PRDM16: variants seen among roughly 807,000 people sequenced by gnomAD.
PRDM16 encodes PR/SET domain 16.
In PRDM16, 23 loss-of-function variants were observed where a neutral mutation model predicts 110.6. That is an observed-to-expected ratio of 0.21 (90% CI 0.15 to 0.29). PRDM16 has a LOEUF of 0.29. Ranked by LOEUF, PRDM16 falls within the 10% of genes least tolerant of loss-of-function variation. The pLI, the probability that PRDM16 is intolerant of heterozygous loss-of-function variation, is 1.00. For synonymous variants in PRDM16, 799 were observed against 781.8 expected (o/e 1.02, Z -0.37); for missense variants, 1,615 against 1,794.3 (o/e 0.90, Z 1.81).
chr1:3,277,747 GCACACACATGCA>G (rs1156602551), intron 3 of PRDM16, among the ~76,000 whole-genome samples: 4 of 126,488 alleles, frequency 3.2e-5, no homozygotes, highest in Non-Finnish European at 3.7e-5. Context: ...ACACGCACAC[GCACACACATGCA>G]CACACGCGCA....
chr1:3,285,834 G>C (rs1640832594), intron 3 of PRDM16, among the ~76,000 whole-genome samples: 1 of 152,248 alleles, frequency 6.6e-6, no homozygotes, highest in African/African-American at 2.4e-5. Context: ...TCTGGCAAGA[G>C]CTTCTCAGAC....
chr1:3,187,167 C>T (rs1422696293), intron 2 of PRDM16, among the ~76,000 whole-genome samples: 2 of 152,176 alleles, frequency 1.3e-5, no homozygotes, highest in African/African-American at 4.8e-5. Flanking sequence ...GGACGCTAGG[C>T]CCCGGTGTTG....
In PRDM16 at chr1:3,437,712, G is replaced by T. The variant is rs1454271707; in HGVS notation, c.*3901G>T. 4.5e-6 allele frequency: 1 copy of T among 223,706 alleles called. No individual in the cohort carries two copies. Among genetic ancestry groups the T allele is most frequent in the Non-Finnish European group, 8.9e-6 (1 of 112,188 alleles). The allele number at this position is 223,706 out of a possible 1,614,324, so 13.9% of individuals were successfully genotyped here. A position where few individuals can be genotyped will look rare whatever the true frequency, so the allele number is the denominator to read the frequency against. On this transcript the variant is annotated 3_prime_UTR_variant, in exon 17 of 17. Coordinates refer to ENST00000270722, the MANE Select transcript of PRDM16 (RefSeq NM_022114.4). The stretch of plus-strand genomic sequence containing the variant: ...TCCATTCCATTTTTGTGTTTGTTTT[G>T]TTCTTTTCTGTCACTGATCCGTATT...
chr1:3,130,752 T>C (rs1643316471), intron 1 of PRDM16, among the ~76,000 whole-genome samples: 1 of 150,286 alleles, frequency 6.7e-6, no homozygotes, highest in Admixed American at 6.6e-5. Flanking sequence ...TTTTCCCCCG[T>C]GAGCTGCATG....
intron 3 of PRDM16, among the ~76,000 whole-genome samples, chr1:3,261,389 T>A (rs1640161577): frequency 6.6e-6 from 1 of 152,170 alleles, no homozygotes; most frequent in Admixed American, 6.5e-5. Flanking sequence ...TTGGTTTCCA[T>A]GCAGCCTCAC....
At chr1:3,119,015 A>T (rs1643031159) in intron 1 of PRDM16, among the ~76,000 whole-genome samples, 1 of 152,216 alleles carries the variant, frequency 6.6e-6, no homozygotes, top group Non-Finnish European at 1.5e-5. Context: ...CAGAGCAGGC[A>T]GGGTGGGTCC....
At position 3,240,037 on chromosome 1, in the gene PRDM16, GAA is replaced by G. The variant is rs1491387681; in HGVS notation, c.388-4049_388-4048del. ...TGGAGAGAGAGAGAAGAGGAGAGGA[GAA>G]GAGGAGAGGAGAGGAGAAGAGGAGA... On this transcript the variant is annotated intron_variant, in intron 2 of 16. Transcript: ENST00000270722. 3.6e-3 allele frequency among the ~76,000 whole-genome samples: 396 copies of G among 109,530 alleles called. 4 individuals carry two copies. The highest frequency in any genetic ancestry group is 8.3e-3 in the South Asian group (23 of 2,768). 71.9% of individuals were successfully genotyped at this position (109,530 alleles called of 152,430 possible). A position where few individuals can be genotyped will look rare whatever the true frequency, so the allele number is the denominator to read the frequency against.
intron 1 of PRDM16, among the ~76,000 whole-genome samples, chr1:3,099,705 G>A (rs904669060): frequency 6.6e-6 from 1 of 152,228 alleles, no homozygotes; most frequent in Non-Finnish European, 1.5e-5. Context: ...GCTCACCGCT[G>A]TAGGCTGGGG....
At chr1:3,219,267 A>G (rs955053076) in intron 2 of PRDM16, among the ~76,000 whole-genome samples, 1 of 152,252 alleles carries the variant, frequency 6.6e-6, no homozygotes, top group Admixed American at 6.5e-5. Flanking sequence ...TGACGTCTCA[A>G]TCTGCGGAGT....
At chr1:3,247,696 C>T (rs911703222) in intron 3 of PRDM16, among the ~76,000 whole-genome samples, 3 of 152,266 alleles carry the variant, frequency 2.0e-5, no homozygotes, top group Non-Finnish European at 4.4e-5. Context: ...GGCGCTGGCC[C>T]GCGCTCGCTC....
intron 3 of PRDM16, among the ~76,000 whole-genome samples, chr1:3,311,544 C>T (rs1184862185): frequency 6.6e-6 from 1 of 152,220 alleles, no homozygotes; most frequent in African/African-American, 2.4e-5. Context: ...TCCCCACAGG[C>T]CCAAAACCAG....
rs527953804 is a variant in PRDM16, at chr1:3,206,123, T to C, written c.387+19649T>C. ...CCAACTAGTACTGGTGCCCCCGTTTTCTCAGCAAGTCCCCTTGTCGGAGGC... is the reference window on the plus strand; with the variant it reads ...CCAACTAGTACTGGTGCCCCCGTTTCCTCAGCAAGTCCCCTTGTCGGAGGC... On this transcript the variant is annotated intron_variant, in intron 2 of 16. Coordinates refer to ENST00000270722, the MANE Select transcript of PRDM16 (RefSeq NM_022114.4). This position sits in a 1 kb window ranked among gnomAD's most constrained non-coding sequence, Gnocchi z 4.9. 1 of 152,436 alleles carries C rather than the reference T, an allele frequency of 6.6e-6. No individual in the cohort carries two copies. The highest frequency in any genetic ancestry group is 2.4e-5 in the African/African-American group (1 of 41,584). The allele number at this position is 152,436 out of a possible 1,614,324, so 9.4% of individuals were successfully genotyped here.
At chr1:3,220,499 G>A (rs1639127846) in intron 2 of PRDM16, among the ~76,000 whole-genome samples, 1 of 152,230 alleles carries the variant, frequency 6.6e-6, no homozygotes, top group Non-Finnish European at 1.5e-5. Context: ...GCCAAGACCT[G>A]CTTGCAGGTG....
chr1:3,282,249 G>T (rs1291089089), intron 3 of PRDM16, among the ~76,000 whole-genome samples: 2 of 152,230 alleles, frequency 1.3e-5, no homozygotes, highest in African/African-American at 4.8e-5. Flanking sequence ...CCCCAGAGAG[G>T]TCAGCAGGTG....
At chr1:3,313,878 A>G (rs983819647) in intron 3 of PRDM16, among the ~76,000 whole-genome samples, 3 of 152,272 alleles carry the variant, frequency 2.0e-5, no homozygotes, top group Admixed American at 1.3e-4. Flanking sequence ...GACAGGAAGC[A>G]TTAATAGGAG....
chr1:3,149,444 G>A (rs1202413627), intron 1 of PRDM16, among the ~76,000 whole-genome samples: 1 of 152,144 alleles, frequency 6.6e-6, no homozygotes, highest in Non-Finnish European at 1.5e-5. Context: ...CCCACACGAG[G>A]TGCTGTGGGT....
In PRDM16 at chr1:3,244,683, G is replaced by A. The variant is rs1420985247; in HGVS notation, c.438+546G>A. On this transcript the variant is annotated intron_variant, in intron 3 of 16. Transcript: ENST00000270722. The surrounding 1 kb of genome is among the most constrained non-coding windows in gnomAD (Gnocchi z 4.1). ...GATAACGGCTGGTGGACAAACATTAGGTCTAACAGATCCAGAGGGAGAACC... is the reference window on the plus strand; with the variant it reads ...GATAACGGCTGGTGGACAAACATTAAGTCTAACAGATCCAGAGGGAGAACC... Among the ~76,000 whole-genome samples, 1 of 152,088 alleles carries A rather than the reference G, an allele frequency of 6.6e-6. No homozygotes were observed. Among genetic ancestry groups the A allele is most frequent in the Non-Finnish European group, 1.5e-5 (1 of 68,024 alleles).
chr1:3,279,977 G>A (rs1396082889), intron 3 of PRDM16, among the ~76,000 whole-genome samples: 1 of 151,094 alleles, frequency 6.6e-6, no homozygotes, highest in Non-Finnish European at 1.5e-5. Flanking sequence ...GGAATCCCGA[G>A]TCTTTTAAAA....
chr1:3,287,119 C>T (rs1391795576), intron 3 of PRDM16, among the ~76,000 whole-genome samples: 1 of 152,210 alleles, frequency 6.6e-6, no homozygotes, highest in African/African-American at 2.4e-5. Flanking sequence ...GAGGCCTGCC[C>T]CACTGGGGCG....
Sources: gnomAD v4.1 joint callset for allele counts (sites outside exome capture counted in the v4.1 genomes callset) on GRCh38, gnomAD v4.1.1 for gene constraint, Gnocchi (gnomAD v3.1) non-coding constraint, MANE v1.5 for transcripts, NCBI Gene and HGNC (gene_info 2026-07-23, HGNC 2026-07-21) for gene names.